Variants in RAB6B observed in about 807,000 individuals in gnomAD.
RAB6B encodes ras-related protein Rab-6B.
RAB6B carries 7 observed loss-of-function variants against 31.2 expected under a neutral mutation model. That is an observed-to-expected ratio of 0.22 (90% confidence interval 0.13 to 0.42). The LOEUF (loss-of-function observed/expected upper bound fraction) is 0.42, where lower values mean the gene tolerates loss of function less well. Among genes scored for constraint, RAB6B ranks in the 10% least tolerant of loss-of-function variants. The pLI is 1.00. For missense variants in RAB6B, 149 were observed against 280.6 expected (o/e 0.53, Z 3.35); for synonymous variants, 105 against 104.9 (o/e 1.00, Z -0.01).
intron 6 of RAB6B, among the ~76,000 whole-genome samples, chr3:133,835,249 C>A (rs950013803): frequency 1.3e-4 from 20 of 151,898 alleles, no homozygotes; most frequent in Admixed American, 1.3e-3. Flanking sequence ...AGTGTGTGTA[C>A]AGTGTATGTG....
intron 1 of RAB6B, among the ~76,000 whole-genome samples, chr3:133,868,543 A>G (rs1936273979): frequency 2.0e-5 from 3 of 152,248 alleles, no homozygotes; most frequent in Admixed American, 2.0e-4. Flanking sequence ...CCACTGCAGC[A>G]AAGAGGAGCT....
chr3:133,856,746 A>G (rs1167373820), intron 2 of RAB6B, among the ~76,000 whole-genome samples: 1 of 152,150 alleles, frequency 6.6e-6, no homozygotes, highest in African/African-American at 2.4e-5. Context: ...GATGCCCTCA[A>G]AAGTCCAACG....
chr3:133,879,575 G>A (rs1936439508), intron 1 of RAB6B, among the ~76,000 whole-genome samples: 1 of 152,218 alleles, frequency 6.6e-6, no homozygotes, highest in Non-Finnish European at 1.5e-5. Context: ...CAACTCAGCA[G>A]GCATCACAGG....
At chr3:133,860,241 G>A (rs191071652) in intron 2 of RAB6B, among the ~76,000 whole-genome samples, 1 of 152,184 alleles carries the variant, frequency 6.6e-6, no homozygotes, top group African/African-American at 2.4e-5. Flanking sequence ...GATTAATTAA[G>A]GATCTTGAGA....
intron 2 of RAB6B, among the ~76,000 whole-genome samples, chr3:133,847,073 C>T (rs773540777): frequency 1.3e-5 from 2 of 152,342 alleles, no homozygotes; most frequent in South Asian, 2.1e-4. Flanking sequence ...TCCTTGATTG[C>T]GTCCTATCAC....
At chr3:133,872,847 G>A (rs995690182) in intron 1 of RAB6B, among the ~76,000 whole-genome samples, 5 of 152,334 alleles carry the variant, frequency 3.3e-5, no homozygotes, top group East Asian at 3.9e-4. Context: ...GCTAGAGGAC[G>A]CTCAGCCGCC....
rs986772657 is a variant in RAB6B, at chr3:133,828,517, T to C, written c.*271A>G. 5 of 480,234 alleles carry C rather than the reference T, an allele frequency of 1.0e-5. No individual in the cohort carries two copies. Among genetic ancestry groups the C allele is most frequent in the Non-Finnish European group, 1.8e-5 (5 of 273,716 alleles). The allele number at this position is 480,234 out of a possible 1,614,324, so 29.7% of individuals were successfully genotyped here. ...AATTGTATACACATGATTTAAATTTTTTTTAAATTTTAACAGTTTTTGGCA... is the reference window on the plus strand; with the variant it reads ...AATTGTATACACATGATTTAAATTTCTTTTAAATTTTAACAGTTTTTGGCA... On this transcript the variant is annotated 3_prime_UTR_variant, in exon 8 of 8. Transcript: ENST00000285208.
chr3:133,875,794 T>C (rs1408755202), intron 1 of RAB6B, among the ~76,000 whole-genome samples: 1 of 152,180 alleles, frequency 6.6e-6, no homozygotes. Flanking sequence ...TGAGGACTAA[T>C]GACTTGGGGT....
chr3:133,890,913 A>G (rs1392448920), intron 1 of RAB6B, among the ~76,000 whole-genome samples: 1 of 152,244 alleles, frequency 6.6e-6, no homozygotes, highest in Non-Finnish European at 1.5e-5. Context: ...TATTGTATTT[A>G]AGAAATGTTC....
Position 133,895,792 on chromosome 3 carries a change from A to C in RAB6B, c.-326T>G, listed in dbSNP as rs889708025. The C allele has an allele frequency of 6.0e-6, 2 of 331,318 alleles. No individual in the cohort carries two copies. The highest frequency in any genetic ancestry group is 2.2e-5 in the African/African-American group (1 of 46,058). 20.5% of individuals were successfully genotyped at this position (331,318 alleles called of 1,614,324 possible). On this transcript the variant is annotated 5_prime_UTR_variant, in exon 1 of 8. Transcript: ENST00000285208. ...GAGAGGCGCGGGCGGAGCGGGGCGC[A>C]GGGACGGCGCGCGGGGCGGAGGAGC...
chr3:133,840,011 C>A (rs755442928), intron 4 of RAB6B, among the ~76,000 whole-genome samples: 1 of 151,978 alleles, frequency 6.6e-6, no homozygotes, highest in African/African-American at 2.4e-5. Context: ...CACACATGCG[C>A]GCGCGACTTG....
intron 2 of RAB6B, among the ~76,000 whole-genome samples, chr3:133,853,325 G>T (rs1329849571): frequency 1.3e-5 from 2 of 152,126 alleles, no homozygotes; most frequent in Non-Finnish European, 2.9e-5. Context: ...GTGTATGTGG[G>T]TATGAGAGTG....
chr3:133,853,887 T>G (rs926986565), intron 2 of RAB6B, among the ~76,000 whole-genome samples: 1 of 151,998 alleles, frequency 6.6e-6, no homozygotes, highest in African/African-American at 2.4e-5. Flanking sequence ...GACCTAGAGG[T>G]TTAAGAGAAG....
In RAB6B at chr3:133,832,847, A is replaced by G. The variant is rs558826234; in HGVS notation, c.562+1728T>C. 5.3e-5 allele frequency among the ~76,000 whole-genome samples: 8 copies of G among 152,342 alleles called. No homozygotes were observed. The South Asian group carries it at 1.7e-3, about 32-fold the overall frequency. ...ATGTATCCTTTCTCCCAAGGGGCCC[A>G]AAGGTCAGTGGTAGCTGGATGAAAC... On this transcript the variant is annotated intron_variant, in intron 7 of 7. Transcript: ENST00000285208.
intron 1 of RAB6B, among the ~76,000 whole-genome samples, chr3:133,886,617 A>G (rs527986518): frequency 1.1e-4 from 16 of 152,058 alleles, no homozygotes; most frequent in Non-Finnish European, 2.2e-4. Context: ...ATCTGTGTAA[A>G]AGCCTTCACC....
At position 133,864,680 on chromosome 3, in the gene RAB6B, A is replaced by G. The variant is rs772542018; in HGVS notation, c.71-38T>C. 13 of 1,579,080 alleles carry G rather than the reference A, an allele frequency of 8.2e-6. No individual in the cohort carries two copies. In the Admixed American group the frequency reaches 8.3e-5, roughly 10 times the overall value. On this transcript the variant is annotated intron_variant, in intron 1 of 7. Coordinates refer to ENST00000285208, the MANE Select transcript of RAB6B (RefSeq NM_016577.4). ...AAGGAGAGAGGTGTTCAGTCATGGC[A>G]TCTGAGCTAGGCTCTTCTAAACACA...
chr3:133,865,626 A>G (rs1387003722), intron 1 of RAB6B, among the ~76,000 whole-genome samples: 1 of 152,262 alleles, frequency 6.6e-6, no homozygotes, highest in Non-Finnish European at 1.5e-5. Context: ...GTGCTGGCTC[A>G]GAGCCCTTTC....
At chr3:133,864,120 G>A (rs7637997) in intron 2 of RAB6B, among the ~76,000 whole-genome samples, 109,315 of 146,944 alleles carry the variant, frequency 0.74, 41,395 homozygotes, top group African/African-American at 0.9. Context: ...CTCAGCAACC[G>A]TGTGTGTGTG....
chr3:133,844,522 C>T (rs1364006148), intron 2 of RAB6B, among the ~76,000 whole-genome samples: 1 of 152,196 alleles, frequency 6.6e-6, no homozygotes, highest in Non-Finnish European at 1.5e-5. Flanking sequence ...AAAACATATT[C>T]CTAAGTTTTG....
Sources: allele counts gnomAD v4.1 joint callset (sites outside exome capture counted in the v4.1 genomes callset), GRCh38; gene constraint gnomAD v4.1.1; transcripts MANE v1.5; gene names NCBI Gene and HGNC (gene_info 2026-07-23, HGNC 2026-07-21).